TRABD2B: variants seen among roughly 807,000 people sequenced by gnomAD.
TRABD2B encodes TraB domain containing 2B, also known as metalloprotease TIKI2.
In TRABD2B, 14 loss-of-function variants were observed where a neutral mutation model predicts 40.1. That is an observed-to-expected ratio of 0.35 (90% CI 0.23 to 0.55). The LOEUF (loss-of-function observed/expected upper bound fraction) is 0.55. Among genes scored for constraint, TRABD2B ranks in the 20% least tolerant of loss-of-function variants. The pLI is 0.90. For missense variants in TRABD2B, 541 were observed against 648.6 expected (o/e 0.83, Z 1.80); for synonymous variants, 263 against 277.0 (o/e 0.95, Z 0.50).
chr1:47,908,519 C>T (rs555198282), intron 2 of TRABD2B, among the ~76,000 whole-genome samples: 4 of 152,284 alleles, frequency 2.6e-5, no homozygotes, highest in South Asian at 2.1e-4. Context: ...ATTCCATGGA[C>T]GGACCTGGTG....
chr1:47,775,906 A>T (rs961873775), intron 5 of TRABD2B, among the ~76,000 whole-genome samples: 2 of 152,004 alleles, frequency 1.3e-5, no homozygotes, highest in African/African-American at 4.8e-5. Flanking sequence ...CAGGCTAGGA[A>T]GACGTGAGGG....
At chr1:47,861,359 T>C (rs1361367684) in intron 2 of TRABD2B, among the ~76,000 whole-genome samples, 3 of 152,044 alleles carry the variant, frequency 2.0e-5, no homozygotes, top group Admixed American at 1.3e-4. Context: ...ACAATATACA[T>C]GACAGCACCC....
chr1:47,789,026 C>T, intron 4 of TRABD2B, among the ~76,000 whole-genome samples: 1 of 152,138 alleles, frequency 6.6e-6, no homozygotes, highest in Non-Finnish European at 1.5e-5. Flanking sequence ...TAAGACTGGA[C>T]CCCACCCCCA....
chr1:47,967,155 C>G (rs1268676599), intron 2 of TRABD2B, among the ~76,000 whole-genome samples: 9 of 152,100 alleles, frequency 5.9e-5, no homozygotes. Flanking sequence ...TAAGACTGGA[C>G]TTCTCTTTTA....
intron 2 of TRABD2B, among the ~76,000 whole-genome samples, chr1:47,933,248 G>A (rs1277205463): frequency 6.6e-6 from 1 of 151,822 alleles, no homozygotes; most frequent in Non-Finnish European, 1.5e-5. Flanking sequence ...TGGGACTATA[G>A]GCACCCGCCA....
intron 2 of TRABD2B, among the ~76,000 whole-genome samples, chr1:47,952,330 C>T (rs764105634): frequency 1.3e-5 from 2 of 152,220 alleles, no homozygotes; most frequent in Non-Finnish European, 2.9e-5. Context: ...TCCCTCCTGC[C>T]TCTGCTCATC....
At chr1:47,794,078 A>G (rs546995486) in intron 4 of TRABD2B, among the ~76,000 whole-genome samples, 36 of 152,242 alleles carry the variant, frequency 2.4e-4, no homozygotes, top group Non-Finnish European at 3.1e-4. Flanking sequence ...AGATATTTTC[A>G]GTTCATCAAA....
rs866053444 is a variant in TRABD2B, at chr1:47,990,769, T to C, written c.666+3265A>G. Among the ~76,000 whole-genome samples, 63 of 64,276 alleles carry C rather than the reference T, an allele frequency of 9.8e-4. 1 individual carries two copies. The highest frequency in any genetic ancestry group is 2.6e-3 in the African/African-American group (40 of 15,310). 42.2% of individuals were successfully genotyped at this position (64,276 alleles called of 152,430 possible). A position where few individuals can be genotyped will look rare whatever the true frequency, so the allele number is the denominator to read the frequency against. ...CAAGTTGTTGGTTTTAAAACGTTGG[T>C]TTTATATATATATATATATATATAT... On this transcript the variant is annotated intron_variant, in intron 2 of 6. Coordinates refer to ENST00000606738, the MANE Select transcript of TRABD2B (RefSeq NM_001194986.2).
At chr1:47,855,495 C>G (rs1045003620) in intron 2 of TRABD2B, among the ~76,000 whole-genome samples, 1 of 152,206 alleles carries the variant, frequency 6.6e-6, no homozygotes, top group African/African-American at 2.4e-5. Context: ...ACATATTGTT[C>G]TGATTTGCCT....
At chr1:47,776,374 A>G (rs540834541) in intron 5 of TRABD2B, among the ~76,000 whole-genome samples, 8 of 152,326 alleles carry the variant, frequency 5.3e-5, no homozygotes, top group African/African-American at 1.9e-4. Context: ...ATAGCACAAG[A>G]ATAATAATAC....
At chr1:47,889,840 G>T (rs941532486) in intron 2 of TRABD2B, among the ~76,000 whole-genome samples, 1 of 152,242 alleles carries the variant, frequency 6.6e-6, no homozygotes, top group Non-Finnish European at 1.5e-5. Flanking sequence ...CGTTCTCCAT[G>T]TTATAAACGA....
At chr1:47,882,056 G>A (rs1644311477) in intron 2 of TRABD2B, among the ~76,000 whole-genome samples, 1 of 152,234 alleles carries the variant, frequency 6.6e-6, no homozygotes, top group African/African-American at 2.4e-5. Flanking sequence ...CAGAAGCCTG[G>A]AGAAATCCAA....
chr1:47,765,577 T>A lies in TRABD2B; in HGVS notation c.*325A>T, dbSNP rs918183520. 1.1e-5 allele frequency: 4 copies of A among 355,122 alleles called. No homozygotes were observed. Among genetic ancestry groups the A allele is most frequent in the Non-Finnish European group, 2.1e-5 (4 of 189,898 alleles). 22.0% of individuals were successfully genotyped at this position (355,122 alleles called of 1,614,324 possible). On this transcript the variant is annotated 3_prime_UTR_variant, in exon 7 of 7. Coordinates refer to ENST00000606738, the MANE Select transcript of TRABD2B (RefSeq NM_001194986.2). ...CACAGGAGGTCACTGATGTCCCGGGTTCCCCTCCCGGGCCAGCACTAGGGC... is the reference window on the plus strand; with the variant it reads ...CACAGGAGGTCACTGATGTCCCGGGATCCCCTCCCGGGCCAGCACTAGGGC...
chr1:47,836,530 G>A (rs760979696), intron 2 of TRABD2B, among the ~76,000 whole-genome samples: 4 of 152,258 alleles, frequency 2.6e-5, no homozygotes, highest in Admixed American at 2.0e-4. Context: ...TTAAAGCAGA[G>A]TGCTTGGCAT....
At chr1:47,953,543 T>TA in intron 2 of TRABD2B, among the ~76,000 whole-genome samples, 1 of 152,218 alleles carries the variant, frequency 6.6e-6, no homozygotes, top group Middle Eastern at 3.4e-3. Context: ...CTCTCCTACT[T>TA]ACAGAGGCCT....
rs1487181531 is a variant in TRABD2B, at chr1:47,766,041, G to A, written c.1415C>T (p.Pro472Leu). 1.4e-6 allele frequency: 1 copy of A among 696,084 alleles called. No individual in the cohort carries two copies. The highest frequency in any genetic ancestry group is 2.6e-6 in the Non-Finnish European group (1 of 381,422). 43.1% of individuals were successfully genotyped at this position (696,084 alleles called of 1,614,324 possible). Residue 472 changes from proline to leucine, a missense_variant, in exon 7 of 7, where the codon CCC becomes CTC. By Grantham distance (98) the Pro-to-Leu change is moderately conservative. Transcript: ENST00000606738. ...TTGTAGCTGGTCTGAAAGCTGGAAG[G>A]GGGGCTTGGCGGTCCCCGAGCTGTG... is the stretch of plus-strand genomic sequence containing the variant. ...PTHSSGTAKP[P>L]FQLSDQLQQQ...
At chr1:47,891,367 G>T (rs536469536) in intron 2 of TRABD2B, among the ~76,000 whole-genome samples, 1 of 152,262 alleles carries the variant, frequency 6.6e-6, no homozygotes, top group African/African-American at 2.4e-5. Flanking sequence ...GAGTAAGCGG[G>T]GCTACTATGC....
chr1:47,934,835 C>T (rs907138530), intron 2 of TRABD2B, among the ~76,000 whole-genome samples: 8 of 152,196 alleles, frequency 5.3e-5, no homozygotes, highest in African/African-American at 1.7e-4. Context: ...CCCAACAGGG[C>T]ATCTCCTGAG....
chr1:47,956,595 G>A (rs976817664), intron 2 of TRABD2B, among the ~76,000 whole-genome samples: 5 of 152,238 alleles, frequency 3.3e-5, no homozygotes, highest in African/African-American at 1.2e-4. Context: ...TGCCCATAGG[G>A]CCTTGCTCAC....
Sources: gnomAD v4.1 joint callset for allele counts (sites outside exome capture counted in the v4.1 genomes callset) on GRCh38, gnomAD v4.1.1 for gene constraint, MANE v1.5 for transcripts, NCBI Gene and HGNC (gene_info 2026-07-23, HGNC 2026-07-21) for gene names.